GRID2: variants seen among roughly 807,000 people sequenced by gnomAD.
GRID2 encodes the protein glutamate receptor ionotropic, delta-2.
Under a neutral mutation model 114.8 loss-of-function variants are expected in GRID2, and 33 were observed. The observed-to-expected ratio is 0.29, with a 90% CI of 0.22 to 0.38. The LOEUF is 0.38. Among genes scored for constraint, GRID2 ranks in the 10% least tolerant of loss-of-function variants. The pLI is 1.00. For synonymous variants in GRID2, 505 were observed against 449.9 expected, an observed-to-expected ratio of 1.12 and a Z score of -1.55; for missense variants, 1,184 against 1,257.7, an observed-to-expected ratio of 0.94 and a Z score of 0.89.
At chr4:92,897,671 G>T (rs1747272881) in intron 2 of GRID2, among the ~76,000 whole-genome samples, 1 of 152,116 alleles carries the variant, frequency 6.6e-6, no homozygotes, top group South Asian at 2.1e-4. Flanking sequence ...ATTCAAGTGT[G>T]TAACTATATA....
chr4:92,436,084 T>C (rs756199492), intron 1 of GRID2, among the ~76,000 whole-genome samples: 2 of 152,188 alleles, frequency 1.3e-5, no homozygotes, highest in Non-Finnish European at 2.9e-5. Flanking sequence ...CATGTCTTCA[T>C]AGTGAAAGGA....
chr4:92,398,845 AT>A (rs1730636313), intron 1 of GRID2, among the ~76,000 whole-genome samples: 1 of 152,162 alleles, frequency 6.6e-6, no homozygotes, highest in Non-Finnish European at 1.5e-5. Context: ...AATGCATATA[AT>A]TTAATAGGCA....
intron 8 of GRID2, among the ~76,000 whole-genome samples, chr4:93,375,556 T>G (rs959585026): frequency 6.8e-6 from 1 of 146,666 alleles, no homozygotes; most frequent in Non-Finnish European, 1.5e-5. Flanking sequence ...GAATGTATGT[T>G]TCCCTCTGCA....
chr4:93,499,129 C>A (rs1727854911), intron 12 of GRID2, among the ~76,000 whole-genome samples: 1 of 151,702 alleles, frequency 6.6e-6, no homozygotes, highest in Non-Finnish European at 1.5e-5. Flanking sequence ...ACTATATTCC[C>A]CGCTTCTATT....
At chr4:92,552,828 T>C (rs1290895041) in intron 1 of GRID2, among the ~76,000 whole-genome samples, 1 of 152,186 alleles carries the variant, frequency 6.6e-6, no homozygotes. Context: ...AGCAAGTCTC[T>C]TAATTCTTCC....
intron 8 of GRID2, among the ~76,000 whole-genome samples, chr4:93,338,717 CACT>C (rs1314395808): frequency 6.6e-6 from 1 of 152,000 alleles, no homozygotes; most frequent in East Asian, 1.9e-4. Context: ...GTATGCAAAC[CACT>C]ACTTTTTGAT....
chr4:92,574,495 A>C (rs1727792982), intron 1 of GRID2, among the ~76,000 whole-genome samples: 1 of 151,092 alleles, frequency 6.6e-6, no homozygotes, highest in Non-Finnish European at 1.5e-5. Flanking sequence ...TTGTAACACA[A>C]GTCTGGTGGT....
intron 1 of GRID2, among the ~76,000 whole-genome samples, chr4:92,481,812 A>G (rs1226977396): frequency 6.6e-6 from 1 of 151,474 alleles, no homozygotes; most frequent in Non-Finnish European, 1.5e-5. Context: ...CATTTTAACA[A>G]TATTGATTCT....
At chr4:93,487,688 G>T (rs1726551677) in intron 11 of GRID2, among the ~76,000 whole-genome samples, 1 of 151,596 alleles carries the variant, frequency 6.6e-6, no homozygotes, top group Non-Finnish European at 1.5e-5. Context: ...TTTTTAAATT[G>T]GTATATGCCC....
At chr4:93,674,999 C>A (rs1034372396) in intron 14 of GRID2, among the ~76,000 whole-genome samples, 1 of 152,052 alleles carries the variant, frequency 6.6e-6, no homozygotes, top group Non-Finnish European at 1.5e-5. Flanking sequence ...CAAAGATATT[C>A]TTTGGTTATC....
intron 11 of GRID2, among the ~76,000 whole-genome samples, chr4:93,470,666 C>T (rs537051111): frequency 7.9e-5 from 12 of 151,932 alleles, no homozygotes; most frequent in Non-Finnish European, 1.6e-4. Context: ...CTTTAGGGGA[C>T]GATCTCTCCC....
chr4:92,876,249 A>G (rs910560027), intron 2 of GRID2, among the ~76,000 whole-genome samples: 2 of 151,228 alleles, frequency 1.3e-5, no homozygotes, highest in African/African-American at 4.8e-5. Context: ...AAATTATGAA[A>G]TTAAAAAAAC....
chr4:93,258,263 C>G (rs1353345338), intron 8 of GRID2, among the ~76,000 whole-genome samples: 2 of 151,156 alleles, frequency 1.3e-5, no homozygotes, highest in Non-Finnish European at 3.0e-5. Context: ...AAATAAAAGA[C>G]AAACTTTTCA....
chr4:93,721,634 G>A (rs1348603529), intron 14 of GRID2, among the ~76,000 whole-genome samples: 1 of 152,064 alleles, frequency 6.6e-6, no homozygotes, highest in Non-Finnish European at 1.5e-5. Flanking sequence ...GTGAGTATTG[G>A]AAATAATGTA....
At chr4:93,615,071 T>C (rs968631189) in intron 13 of GRID2, among the ~76,000 whole-genome samples, 3 of 152,220 alleles carry the variant, frequency 2.0e-5, no homozygotes, top group East Asian at 3.9e-4. Context: ...GATTCTGGTG[T>C]CATTCCAATG....
At chr4:93,648,468 T>C (rs1722308757) in intron 14 of GRID2, among the ~76,000 whole-genome samples, 1 of 152,180 alleles carries the variant, frequency 6.6e-6, no homozygotes, top group African/African-American at 2.4e-5. Context: ...ATGAAATCTG[T>C]ACATCCTCAA....
intron 2 of GRID2, among the ~76,000 whole-genome samples, chr4:92,742,741 C>T (rs1478735403): frequency 6.6e-6 from 1 of 152,148 alleles, no homozygotes; most frequent in African/African-American, 2.4e-5. Context: ...ACCTGAGGAA[C>T]TTTCATCCTC....
At chr4:92,675,796 C>T (rs1306209883) in intron 2 of GRID2, among the ~76,000 whole-genome samples, 1 of 151,906 alleles carries the variant, frequency 6.6e-6, no homozygotes, top group Non-Finnish European at 1.5e-5. Flanking sequence ...ACTCGTGATC[C>T]ACCCGCCTCA....
chr4:93,547,880 AT>A (rs1258850285), intron 13 of GRID2, among the ~76,000 whole-genome samples: 1 of 152,152 alleles, frequency 6.6e-6, no homozygotes, highest in East Asian at 1.9e-4. Flanking sequence ...TACTAAATTT[AT>A]TTTAAGTAAA....
Sources: allele counts gnomAD v4.1 joint callset (sites outside exome capture counted in the v4.1 genomes callset), GRCh38; gene constraint gnomAD v4.1.1; transcripts MANE v1.5; gene names NCBI Gene and HGNC (gene_info 2026-07-23, HGNC 2026-07-21).